COL19A1: variants seen among roughly 807,000 people sequenced by gnomAD.
COL19A1 encodes the protein collagen alpha-1(XIX) chain.
Under a neutral mutation model 190.2 loss-of-function variants are expected in COL19A1, and 159 were observed. The observed-to-expected ratio is 0.84, with a 90% CI of 0.73 to 0.95. The LOEUF is 0.95. Among genes scored for constraint, COL19A1 ranks in the 40% least tolerant of loss-of-function variants. The pLI, the probability that COL19A1 is intolerant of heterozygous loss-of-function variation, is 0.00. For synonymous variants in COL19A1, 509 were observed against 458.9 expected (o/e 1.11, Z -1.39); for missense variants, 1,418 against 1,431.9 (o/e 0.99, Z 0.16).
intron 15 of COL19A1, among the ~76,000 whole-genome samples, chr6:70,090,161 A>G (rs938643584): frequency 1.3e-5 from 2 of 149,450 alleles, no homozygotes; most frequent in Admixed American, 6.7e-5. Flanking sequence ...TGGGTGACAG[A>G]GCAAGACTCT....
intron 11 of COL19A1, among the ~76,000 whole-genome samples, chr6:70,017,134 C>T (rs1181318299): frequency 1.3e-5 from 2 of 152,078 alleles, no homozygotes; most frequent in African/African-American, 4.8e-5. Context: ...GGTGTACCCA[C>T]ATAAATGATA....
At chr6:70,191,282 G>A (rs1162147728) in intron 48 of COL19A1, among the ~76,000 whole-genome samples, 3 of 152,082 alleles carry the variant, frequency 2.0e-5, no homozygotes, top group South Asian at 2.1e-4. Context: ...TTTTAAATGA[G>A]GTGTTTCTCA....
chr6:70,195,143 A>ATATT (rs1767118921), intron 48 of COL19A1, among the ~76,000 whole-genome samples: 1 of 131,506 alleles, frequency 7.6e-6, no homozygotes. Context: ...GATGATATAT[A>ATATT]TATATATATA....
intron 12 of COL19A1, among the ~76,000 whole-genome samples, chr6:70,032,755 C>G (rs1037546393): frequency 1.3e-5 from 2 of 152,062 alleles, no homozygotes; most frequent in East Asian, 1.9e-4. Context: ...GCTACCAGTA[C>G]AGGTCTAAAG....
intron 44 of COL19A1, among the ~76,000 whole-genome samples, chr6:70,182,667 A>G (rs1339703865): frequency 6.6e-6 from 1 of 152,208 alleles, no homozygotes; most frequent in Non-Finnish European, 1.5e-5. Flanking sequence ...TTTAAGAGAA[A>G]GGAGAAAGCA....
intron 12 of COL19A1, among the ~76,000 whole-genome samples, chr6:70,025,707 A>C (rs984677380): frequency 1.3e-5 from 2 of 152,244 alleles, no homozygotes; most frequent in Admixed American, 1.3e-4. Flanking sequence ...GAATCCTAGT[A>C]CTTAGCACAT....
At chr6:69,871,362 C>T (rs1336516740) in intron 1 of COL19A1, among the ~76,000 whole-genome samples, 2 of 152,072 alleles carry the variant, frequency 1.3e-5, no homozygotes, top group African/African-American at 4.8e-5. Context: ...GGTGGAGTTA[C>T]GTATGTATAG....
At position 70,142,803 on chromosome 6, in the gene COL19A1, G is replaced by A; in HGVS notation, c.1609G>A (p.Gly537Arg). Residue 537 changes from glycine (G) to arginine (R), a missense_variant, in exon 23 of 51, where the codon GGA (glycine) becomes AGA (arginine). Physicochemically the swap from Gly to Arg is moderately radical, Grantham distance 125. Transcript: ENST00000620364. ...QGSAGSMGPR[G>R]PPGDVGLPGE... Reference sequence around the variant, plus strand: ...ATCTGCAGGCTCCATGGGACCCAGAGGACCGCCAGGAGATGTTGTATGTAT... The same window carrying A: ...ATCTGCAGGCTCCATGGGACCCAGAAGACCGCCAGGAGATGTTGTATGTAT... 6.2e-7 allele frequency: 1 copy of A among 1,612,204 alleles called. No individual in the cohort carries two copies. Among genetic ancestry groups the A allele is most frequent in the Non-Finnish European group, 8.5e-7 (1 of 1,178,950 alleles).
At chr6:70,097,426 T>G (rs1218607899) in intron 15 of COL19A1, among the ~76,000 whole-genome samples, 1 of 152,144 alleles carries the variant, frequency 6.6e-6, no homozygotes. Flanking sequence ...TACCACATTT[T>G]GTTTATCCAT....
intron 4 of COL19A1, among the ~76,000 whole-genome samples, chr6:69,902,101 G>A (rs931620057): frequency 1.3e-5 from 2 of 152,170 alleles, no homozygotes; most frequent in African/African-American, 2.4e-5. Context: ...GAAACCGGGG[G>A]TATCTGGTTG....
intron 11 of COL19A1, among the ~76,000 whole-genome samples, chr6:69,987,349 A>G (rs1776367748): frequency 6.6e-6 from 1 of 152,122 alleles, no homozygotes; most frequent in Non-Finnish European, 1.5e-5. Flanking sequence ...CTGTTTTCTC[A>G]TTTTACAAGT....
chr6:69,988,998 T>A (rs1415416812), intron 11 of COL19A1, among the ~76,000 whole-genome samples: 2 of 152,210 alleles, frequency 1.3e-5, no homozygotes, highest in Non-Finnish European at 2.9e-5. Flanking sequence ...ACCTGTAATT[T>A]TTATGAACTC....
intron 16 of COL19A1, among the ~76,000 whole-genome samples, chr6:70,119,075 A>G (rs1282756826): frequency 6.6e-6 from 1 of 152,056 alleles, no homozygotes; most frequent in East Asian, 1.9e-4. Flanking sequence ...TACCTGTTTT[A>G]TTCTGTGCAA....
intron 14 of COL19A1, among the ~76,000 whole-genome samples, chr6:70,051,739 C>A (rs1454272816): frequency 7.6e-6 from 1 of 132,352 alleles, no homozygotes; most frequent in Non-Finnish European, 1.5e-5. Flanking sequence ...CTCAACAATA[C>A]CATTTTTCAT....
At chr6:70,036,550 G>T (rs904165252) in intron 14 of COL19A1, among the ~76,000 whole-genome samples, 1 of 152,044 alleles carries the variant, frequency 6.6e-6, no homozygotes, top group African/African-American at 2.4e-5. Context: ...ATAAATATAT[G>T]ATTCTCTTAT....
At chr6:70,084,711 CTCT>C (rs1782479724) in intron 15 of COL19A1, among the ~76,000 whole-genome samples, 1 of 152,138 alleles carries the variant, frequency 6.6e-6, no homozygotes, top group East Asian at 1.9e-4. Context: ...GAGATGCTCC[CTCT>C]GCTGTAGAGT....
intron 41 of COL19A1, among the ~76,000 whole-genome samples, chr6:70,175,133 T>A (rs911665730): frequency 6.6e-6 from 1 of 152,228 alleles, no homozygotes; most frequent in Admixed American, 6.5e-5. Flanking sequence ...TGCCTGTTTA[T>A]GTCCTTTACC....
At chr6:69,903,718 G>T (rs1179507764) in intron 4 of COL19A1, among the ~76,000 whole-genome samples, 2 of 152,164 alleles carry the variant, frequency 1.3e-5, no homozygotes, top group African/African-American at 2.4e-5. Context: ...TCCGTGCACT[G>T]CCATAGGCCC....
chr6:69,949,637 C>T (rs1282218152), intron 9 of COL19A1, among the ~76,000 whole-genome samples: 4 of 151,470 alleles, frequency 2.6e-5, no homozygotes, highest in Non-Finnish European at 5.9e-5. Flanking sequence ...AGTAAATTTC[C>T]AGAGAAAAAT....
Sources: gnomAD v4.1 joint callset for allele counts (sites outside exome capture counted in the v4.1 genomes callset) on GRCh38, gnomAD v4.1.1 for gene constraint, MANE v1.5 for transcripts, NCBI Gene and HGNC (gene_info 2026-07-23, HGNC 2026-07-21) for gene names.